ENTREP2: variants seen among roughly 807,000 people sequenced by gnomAD.
ENTREP2 encodes the protein endosomal transmembrane epsin interactor 2.
At chr15:29,343,942 G>A in the ENTREP2 span, among the ~76,000 whole-genome samples, 1 of 152,214 alleles carries the variant, frequency 6.6e-6, no homozygotes, top group East Asian at 1.9e-4. Flanking sequence ...TTATCCAAAA[G>A]ATGAACTGCT....
the ENTREP2 span, among the ~76,000 whole-genome samples, chr15:29,457,549 A>G: frequency 0.013 from 2,037 of 152,288 alleles, 49 homozygotes; most frequent in African/African-American, 0.046. Context: ...GCAGAGGCTC[A>G]GCTGCAGTCA....
the ENTREP2 span, among the ~76,000 whole-genome samples, chr15:29,487,222 T>C: frequency 1.3e-5 from 2 of 152,148 alleles, no homozygotes; most frequent in Non-Finnish European, 2.9e-5. Context: ...CACCTATGCA[T>C]ATGGGTGGGA....
chr15:29,394,340 T>C, the ENTREP2 span, among the ~76,000 whole-genome samples: 1 of 152,092 alleles, frequency 6.6e-6, no homozygotes, highest in Non-Finnish European at 1.5e-5. Flanking sequence ...GAAGAAACAA[T>C]GTCATTGAAC....
the ENTREP2 span, among the ~76,000 whole-genome samples, chr15:29,385,550 A>G: frequency 3.3e-5 from 5 of 152,148 alleles, no homozygotes; most frequent in African/African-American, 1.2e-4. Flanking sequence ...GCCTTACAGA[A>G]TGCTCTCCCC....
At chr15:29,434,600 G>T in the ENTREP2 span, among the ~76,000 whole-genome samples, 1 of 152,112 alleles carries the variant, frequency 6.6e-6, no homozygotes, top group Admixed American at 6.6e-5. Flanking sequence ...AACCATGAAG[G>T]AGAAAAGAAT....
At chr15:29,478,028 T>A in the ENTREP2 span, among the ~76,000 whole-genome samples, 1 of 127,842 alleles carries the variant, frequency 7.8e-6, no homozygotes, top group African/African-American at 3.0e-5. Flanking sequence ...TATTTTTTTT[T>A]TTTTTTTTTT....
the ENTREP2 span, among the ~76,000 whole-genome samples, chr15:29,627,563 C>A: frequency 0.013 from 1,837 of 146,078 alleles, 44 homozygotes; most frequent in African/African-American, 0.045. Context: ...AAAAAAAAGT[C>A]ATGTTACCAT....
At chr15:29,158,759 T>C in the ENTREP2 span, among the ~76,000 whole-genome samples, 5 of 152,186 alleles carry the variant, frequency 3.3e-5, no homozygotes, top group East Asian at 1.9e-4. Context: ...GATACTGAGT[T>C]TTGCTACTGG....
the ENTREP2 span, among the ~76,000 whole-genome samples, chr15:29,168,303 C>T: frequency 1.3e-5 from 2 of 152,122 alleles, no homozygotes; most frequent in East Asian, 1.9e-4. Flanking sequence ...CCAAATACCA[C>T]CTGTACCCCA....
chr15:29,203,736 C>A, the ENTREP2 span, among the ~76,000 whole-genome samples: 1 of 152,144 alleles, frequency 6.6e-6, no homozygotes, highest in Non-Finnish European at 1.5e-5. Context: ...TGATCTATAT[C>A]CTCTTTGGCT....
the ENTREP2 span, among the ~76,000 whole-genome samples, chr15:29,458,749 T>C: frequency 6.6e-6 from 1 of 152,242 alleles, no homozygotes; most frequent in East Asian, 1.9e-4. Flanking sequence ...AACACATGCT[T>C]GAACACAAAC....
chr15:29,563,568 G>C, the ENTREP2 span, among the ~76,000 whole-genome samples: 11 of 152,054 alleles, frequency 7.2e-5, no homozygotes, highest in East Asian at 1.5e-3. Context: ...GCAGTGGCTC[G>C]TGCCTATAAT....
chr15:29,600,756 G>C, the ENTREP2 span, among the ~76,000 whole-genome samples: 5 of 151,918 alleles, frequency 3.3e-5, no homozygotes, highest in Non-Finnish European at 7.4e-5. Flanking sequence ...ACAGGCATGA[G>C]CCACCACACC....
chr15:29,409,372 C>T, the ENTREP2 span, among the ~76,000 whole-genome samples: 7 of 151,274 alleles, frequency 4.6e-5, no homozygotes, highest in African/African-American at 1.5e-4. Context: ...GATGGAGTCT[C>T]GCTTTGTTGC....
At chr15:29,248,515 T>G in the ENTREP2 span, among the ~76,000 whole-genome samples, 1 of 151,918 alleles carries the variant, frequency 6.6e-6, no homozygotes, top group East Asian at 1.9e-4. Context: ...AATCTATAAC[T>G]GAGTACAGAA....
chr15:29,278,525 C>G, the ENTREP2 span, among the ~76,000 whole-genome samples: 1 of 152,176 alleles, frequency 6.6e-6, no homozygotes, highest in African/African-American at 2.4e-5. Context: ...CCCTGTGAGG[C>G]CTGGGCTCCA....
At chr15:29,273,979 C>A in the ENTREP2 span, among the ~76,000 whole-genome samples, 948 of 152,296 alleles carry the variant, frequency 6.2e-3, 8 homozygotes, top group African/African-American at 0.021. Flanking sequence ...ACCTTGTGAT[C>A]ATGTGAGTCA....
chr15:29,381,455 C>CAA, the ENTREP2 span, among the ~76,000 whole-genome samples: 716 of 43,816 alleles, frequency 0.016, 42 homozygotes, highest in African/African-American at 0.027. Context: ...GACTCTGTCT[C>CAA]AAAAAAAAAA....
chr15:29,571,116 G>GCGGGAGCCGGGACCCGGGAGCCGGGACC, the ENTREP2 span, among the ~76,000 whole-genome samples: 131 of 151,246 alleles, frequency 8.7e-4, no homozygotes, highest in Non-Finnish European at 1.4e-3. Context: ...TGGGGCGGGA[G>GCGGGAGCCGGGACCCGGGAGCCGGGACC]CGGGAGCCGG....
Sources: allele counts gnomAD v4.1 joint callset (sites outside exome capture counted in the v4.1 genomes callset), GRCh38; gene constraint gnomAD v4.1.1; transcripts MANE v1.5; gene names NCBI Gene and HGNC (gene_info 2026-07-23, HGNC 2026-07-21).